PLA2G2F: variants seen among roughly 807,000 people sequenced by gnomAD.
PLA2G2F encodes the protein group IIF secretory phospholipase A2.
Under a neutral mutation model 15.9 loss-of-function variants are expected in PLA2G2F, and 17 were observed. The ratio of observed to expected loss-of-function variants is 1.07; its 90% CI spans 0.73 to 1.60. PLA2G2F has a LOEUF of 1.60. Among genes scored for constraint, PLA2G2F ranks in the 40% most tolerant of loss-of-function variants. The pLI is 0.00. For synonymous variants in PLA2G2F, 119 were observed against 106.5 expected (o/e 1.12, Z -0.72); for missense variants, 299 against 278.2 (o/e 1.07, Z -0.53).
chr1:20,143,277 G>A, intron 2 of PLA2G2F, 169 bp from the exon 3 acceptor site: 1 of 787,788 alleles, frequency 1.3e-6, no homozygotes. Context: ...CTTTCCTCTG[G>A]CTTAGCTGCC....
chr1:20,141,253 T>C (rs1476566352), intron 2 of PLA2G2F: 1 of 152,160 alleles, frequency 6.6e-6, no homozygotes, highest in Non-Finnish European at 1.5e-5. Flanking sequence ...CCTGGATGCG[T>C]TGTGTATGTG....
In PLA2G2F at chr1:20,149,954, G is replaced by C. The variant is rs972068529; in HGVS notation, c.*1553G>C. The C allele has an allele frequency of 6.6e-6, 1 of 152,464 alleles. No homozygotes were observed. Among genetic ancestry groups the C allele is most frequent in the East Asian group, 1.9e-4 (1 of 5,198 alleles). 9.4% of individuals were successfully genotyped at this position (152,464 alleles called of 1,614,324 possible). A position where few individuals can be genotyped will look rare whatever the true frequency, so the allele number is the denominator to read the frequency against. On this transcript the variant is annotated 3_prime_UTR_variant, in exon 5 of 5. Transcript: ENST00000375102. ...GCAGTGCCCCTGGAGCACCATTGTC[G>C]CTGGGGAGGGAGAGCCGGGAAGGGT...
chr1:20,144,478 C>T (rs1569898317), intron 3 of PLA2G2F, 102 bp from the exon 4 acceptor site: 5 of 846,742 alleles, frequency 5.9e-6, no homozygotes, highest in African/African-American at 5.0e-5. Context: ...TCAGTTCGAA[C>T]GTTTGACCTG....
At position 20,148,847 on chromosome 1, in the gene PLA2G2F, C is replaced by A. The variant is rs2100698551; in HGVS notation, c.*446C>A. ...TCACAGGAAGGCAGATTGCTGGTCACAAAGCATGGGTTCCGGGAGCCCCTC... is the reference window on the plus strand; with the variant it reads ...TCACAGGAAGGCAGATTGCTGGTCAAAAAGCATGGGTTCCGGGAGCCCCTC... On this transcript the variant is annotated 3_prime_UTR_variant, in exon 5 of 5. Transcript: ENST00000375102. 5.8e-6 allele frequency: 1 copy of A among 173,442 alleles called. No individual in the cohort carries two copies. The highest frequency in any genetic ancestry group is 1.4e-4 in the South Asian group (1 of 7,082). The allele number at this position is 173,442 out of a possible 1,614,324, so 10.7% of individuals were successfully genotyped here.
rs2100698670 is a variant in PLA2G2F at position 20,148,944 on chromosome 1, A to G, written c.*543A>G. ...AAGCTCTCTAGAGCCCCATTCACAG[A>G]GCAGGTGCCCCACCCCAGCCCTCAC... On this transcript the variant is annotated 3_prime_UTR_variant, in exon 5 of 5. Coordinates refer to ENST00000375102, the MANE Select transcript of PLA2G2F (RefSeq NM_022819.4). 1 of 159,082 alleles carries G rather than the reference A, an allele frequency of 6.3e-6. No homozygotes were observed. The highest frequency in any genetic ancestry group is 1.9e-4 in the East Asian group (1 of 5,356). The allele number at this position is 159,082 out of a possible 1,614,324, so 9.9% of individuals were successfully genotyped here. A position where few individuals can be genotyped will look rare whatever the true frequency, so the allele number is the denominator to read the frequency against.
chr1:20,139,515 G>A lies in PLA2G2F; in HGVS notation c.88G>A (p.Gly30Arg), dbSNP rs771680765. The change falls in exon 1 of 5, where the codon GGG becomes AGG. Residue 30 changes from glycine (G) to arginine (R), a missense_variant. Gly to Arg is a moderately radical substitution (Grantham distance 125, BLOSUM62 -2). Transcript: ENST00000375102. ...CTCTGGGTGGAGGGGCCCACGCTTC[G>A]GGGCCTCCTGTCCTTCAAGAACCTC... ...CFSGWRGPRFGASCPSRTSRS... is the reference protein window; with the variant it reads ...CFSGWRGPRFRASCPSRTSRS... 26 of 1,566,160 alleles carry A rather than the reference G, an allele frequency of 1.7e-5. No individual in the cohort carries two copies. In the East Asian group the frequency reaches 1.9e-4, roughly 11 times the overall value.
intron 2 of PLA2G2F, chr1:20,140,606 T>G (rs1443010800): frequency 5.0e-6 from 1 of 200,282 alleles, no homozygotes; most frequent in Non-Finnish European, 1.0e-5. Context: ...TGTCTATGTG[T>G]GCAACATGCA....
chr1:20,143,613 C>A (rs1235492731), intron 3 of PLA2G2F, 23 bp downstream of exon 3: 2 of 1,609,442 alleles, frequency 1.2e-6, no homozygotes, highest in South Asian at 2.2e-5. Flanking sequence ...GGCCTGGGCT[C>A]CTGTCAGGGG....
At position 20,148,293 on chromosome 1, in the gene PLA2G2F, C is replaced by T. The variant is rs755606679; in HGVS notation, c.528C>T (p.Phe176=). The change falls in exon 5 of 5, where the codon TTC becomes TTT. Residue 176 remains phenylalanine, a synonymous_variant. Transcript: ENST00000375102. ...CGTACCGAGAGGAGTACCGTGGCTT[C>T]CTCAATGTCTACTGCCAGGGCCCCA... The part of the protein sequence containing the change: ...NQTYREEYRG[F]LNVYCQGPTP... The T allele has an allele frequency of 7.4e-6, 12 of 1,614,076 alleles. No homozygotes were observed. The highest frequency in any genetic ancestry group is 1.0e-5 in the Non-Finnish European group (12 of 1,179,990).
chr1:20,145,461 T>C (rs2017569624), intron 4 of PLA2G2F, among the ~76,000 whole-genome samples: 1 of 151,942 alleles, frequency 6.6e-6, no homozygotes, highest in Non-Finnish European at 1.5e-5. Context: ...TTTAAATTTT[T>C]AGGAGATACA....
intron 1 of PLA2G2F, 71 bp from the exon 2 acceptor site, chr1:20,140,095 G>C (rs1337179495): frequency 6.0e-6 from 9 of 1,508,734 alleles, no homozygotes; most frequent in African/African-American, 2.8e-5. Context: ...GGCTCAGGAA[G>C]GGAGCAGCAG....
intron 4 of PLA2G2F, among the ~76,000 whole-genome samples, chr1:20,147,790 G>A (rs2017642203): frequency 6.6e-6 from 1 of 152,210 alleles, no homozygotes; most frequent in Non-Finnish European, 1.5e-5. Context: ...TTCTGTGATT[G>A]AAGGGAAGAG....
At chr1:20,147,516 T>C (rs1569902972) in intron 4 of PLA2G2F, among the ~76,000 whole-genome samples, 1 of 151,776 alleles carries the variant, frequency 6.6e-6, no homozygotes, top group East Asian at 1.9e-4. Context: ...TGGCATAATC[T>C]CGGCTCACTG....
intron 4 of PLA2G2F, among the ~76,000 whole-genome samples, chr1:20,147,262 T>C (rs1206088661): frequency 6.6e-6 from 1 of 152,120 alleles, no homozygotes; most frequent in East Asian, 1.9e-4. Flanking sequence ...GCAGTCTTTG[T>C]TGGAACAAGC....
At chr1:20,146,087 G>A (rs949042444) in intron 4 of PLA2G2F, among the ~76,000 whole-genome samples, 9 of 152,224 alleles carry the variant, frequency 5.9e-5, no homozygotes, top group Non-Finnish European at 7.3e-5. Context: ...TTCTGATTCC[G>A]TGGGTGTTGG....
At chr1:20,145,128 T>C (rs533197986) in intron 4 of PLA2G2F, among the ~76,000 whole-genome samples, 1 of 152,168 alleles carries the variant, frequency 6.6e-6, no homozygotes, top group South Asian at 2.1e-4. Flanking sequence ...CCTAGTGAAA[T>C]TCATTTCTTA....
chr1:20,145,630 T>TAATC (rs1239300586), intron 4 of PLA2G2F, among the ~76,000 whole-genome samples: 1 of 151,936 alleles, frequency 6.6e-6, no homozygotes, highest in Non-Finnish European at 1.5e-5. Context: ...ATTAATTAAT[T>TAATC]AAGACAGGGC....
At chr1:20,147,939 C>T (rs1371561119) in intron 4 of PLA2G2F, among the ~76,000 whole-genome samples, 1 of 152,082 alleles carries the variant, frequency 6.6e-6, no homozygotes, top group Non-Finnish European at 1.5e-5. Flanking sequence ...TTCAGTGGTT[C>T]CCCAATTTTA....
intron 4 of PLA2G2F, among the ~76,000 whole-genome samples, chr1:20,146,486 G>C (rs1047315108): frequency 6.6e-6 from 1 of 152,144 alleles, no homozygotes; most frequent in Admixed American, 6.5e-5. Flanking sequence ...GTAGGTAAGC[G>C]CAAGTGGCAT....
Sources: allele counts gnomAD v4.1 joint callset (sites outside exome capture counted in the v4.1 genomes callset), GRCh38; gene constraint gnomAD v4.1.1; transcripts MANE v1.5; gene names NCBI Gene and HGNC (gene_info 2026-07-23, HGNC 2026-07-21).